ZFHX3: variants seen among roughly 807,000 people sequenced by gnomAD.
ZFHX3 encodes the protein zinc finger homeobox protein 3.
A neutral mutation model predicts 279.1 loss-of-function variants in ZFHX3; 42 were observed. The ratio of observed to expected loss-of-function variants is 0.15; its 90% CI spans 0.12 to 0.19. The LOEUF (loss-of-function observed/expected upper bound fraction) is 0.19. Among genes scored for constraint, ZFHX3 ranks in the 10% least tolerant of loss-of-function variants. The probability of loss-of-function intolerance (pLI) is 1.00; values close to 1 mark genes in which losing one functional copy is unlikely to be tolerated. For missense variants in ZFHX3, 4,981 were observed against 4,754.0 expected, an observed-to-expected ratio of 1.05 and a Z score of -1.40; for synonymous variants, 2,293 against 1,957.8, an observed-to-expected ratio of 1.17 and a Z score of -4.52.
At chr16:73,034,267 G>A (rs892797800) in intron 1 of ZFHX3, among the ~76,000 whole-genome samples, 9 of 151,994 alleles carry the variant, frequency 5.9e-5, no homozygotes, top group South Asian at 2.1e-4. Flanking sequence ...TCCATTCCGC[G>A]GCATCAAGAT....
Position 72,788,635 on chromosome 16 carries a change from G to A in ZFHX3, c.9641C>T (p.Pro3214Leu). Residue 3214 changes from proline to leucine, a missense_variant, in exon 10 of 10, where the codon CCA becomes CTA. Around this residue, in one of 7 missense-constraint regions of ZFHX3, gnomAD observed 1,034 missense variants for 786.0 expected, o/e 1.32. Transcript: ENST00000268489. ...QPQVQQPPPP[P>L]AAQPPPTPQL... The stretch of plus-strand genomic sequence containing the variant: ...TGGTGTGGGTGGCGGCTGGGCTGCT[G>A]GCGGCGGGGGAGGCTGCTGCACCTG... 1 of 1,613,420 alleles carries A rather than the reference G, an allele frequency of 6.2e-7. No individual in the cohort carries two copies. The highest frequency in any genetic ancestry group is 8.5e-7 in the Non-Finnish European group (1 of 1,179,742).
chr16:72,811,351 A>G (rs1275282575), intron 7 of ZFHX3, among the ~76,000 whole-genome samples: 1 of 152,184 alleles, frequency 6.6e-6, no homozygotes, highest in Non-Finnish European at 1.5e-5. Context: ...GAGGGCAGAG[A>G]GGATGATAAG....
intron 3 of ZFHX3, among the ~76,000 whole-genome samples, chr16:72,914,719 C>T (rs113181380): frequency 2.6e-5 from 4 of 152,140 alleles, no homozygotes; most frequent in Admixed American, 2.0e-4. Flanking sequence ...AGGCTGGGTG[C>T]GGTGGCTCAT....
chr16:73,212,745 G>A (rs1431331945), intron 5 of ZFHX3, among the ~76,000 whole-genome samples: 2 of 152,208 alleles, frequency 1.3e-5, no homozygotes, highest in African/African-American at 2.4e-5. Flanking sequence ...TTCTTGCAGA[G>A]TATTGATACG....
intron 1 of ZFHX3, among the ~76,000 whole-genome samples, chr16:73,852,819 A>C (rs1234148485): frequency 6.6e-6 from 1 of 152,234 alleles, no homozygotes; most frequent in Non-Finnish European, 1.5e-5. Context: ...AGACTAAAAA[A>C]GCTGGAACTT....
intron 1 of ZFHX3, among the ~76,000 whole-genome samples, chr16:73,680,870 G>C (rs753593282): frequency 2.6e-5 from 4 of 152,150 alleles, no homozygotes; most frequent in Admixed American, 6.5e-5. Flanking sequence ...TAGATATTGT[G>C]TGGAAACCAT....
chr16:73,358,021 G>T (rs542009681), intron 3 of ZFHX3, among the ~76,000 whole-genome samples: 41 of 152,184 alleles, frequency 2.7e-4, no homozygotes, highest in Non-Finnish European at 5.6e-4. Context: ...AATCAGCCCT[G>T]CTCCTTCCAG....
At chr16:73,273,529 C>T (rs11644823) in intron 4 of ZFHX3, among the ~76,000 whole-genome samples, 4 of 151,694 alleles carry the variant, frequency 2.6e-5, no homozygotes, top group African/African-American at 9.7e-5. Context: ...CATAATCTGT[C>T]CATTTTTTCT....
chr16:73,207,663 A>AT (rs1275350091), intron 5 of ZFHX3, among the ~76,000 whole-genome samples: 1 of 152,196 alleles, frequency 6.6e-6, no homozygotes, highest in Admixed American at 6.5e-5. Context: ...TGGGAAAATA[A>AT]TTTTGACATC....
At chr16:73,503,527 A>G (rs2019274019) in intron 2 of ZFHX3, among the ~76,000 whole-genome samples, 1 of 152,186 alleles carries the variant, frequency 6.6e-6, no homozygotes, top group Non-Finnish European at 1.5e-5. Context: ...GGAGATTGAC[A>G]GCTGCACATC....
chr16:73,734,577 T>C (rs1001667171), intron 1 of ZFHX3, among the ~76,000 whole-genome samples: 2 of 152,174 alleles, frequency 1.3e-5, no homozygotes, highest in Non-Finnish European at 1.5e-5. Flanking sequence ...ATTCCATTTA[T>C]AGAATTATCT....
intron 2 of ZFHX3, among the ~76,000 whole-genome samples, chr16:73,575,540 T>C (rs1470913033): frequency 3.3e-5 from 5 of 152,316 alleles, no homozygotes; most frequent in Non-Finnish European, 5.9e-5. Flanking sequence ...ATGGGACCGA[T>C]AGAAGGGGTC....
At position 72,788,623 on chromosome 16, in the gene ZFHX3, G is replaced by C. The variant is rs753124123; in HGVS notation, c.9653C>G (p.Pro3218Arg). 6.2e-7 allele frequency: 1 copy of C among 1,613,364 alleles called. No homozygotes were observed. The highest frequency in any genetic ancestry group is 1.1e-5 in the South Asian group (1 of 91,036). Residue 3218 changes from proline (P) to arginine (R), a missense_variant, in exon 10 of 10, where the codon CCG becomes CGG. By Grantham distance (103) the Pro-to-Arg change is moderately radical. Around this residue, in one of 7 missense-constraint regions of ZFHX3, gnomAD observed 1,034 missense variants for 786.0 expected, o/e 1.32. Transcript: ENST00000268489. ...QQPPPPPAAQPPPTPQLPLQQ... is the reference protein window; with the variant it reads ...QQPPPPPAAQRPPTPQLPLQQ... ...CAGTGGGAGCTGTGGTGTGGGTGGC[G>C]GCTGGGCTGCTGGCGGCGGGGGAGG...
At chr16:73,297,961 G>C (rs539183434) in intron 4 of ZFHX3, among the ~76,000 whole-genome samples, 20 of 151,862 alleles carry the variant, frequency 1.3e-4, no homozygotes, top group African/African-American at 4.8e-4. Context: ...GAGGGGGGAA[G>C]GTCACTTGAA....
Position 72,851,587 on chromosome 16 carries a change from C to T in ZFHX3, c.3449-21728G>A, listed in dbSNP as rs541724539. Among the ~76,000 whole-genome samples, 11 of 152,052 alleles carry T rather than the reference C, an allele frequency of 7.2e-5. No individual in the cohort carries two copies. The South Asian group carries it at 2.1e-3, about 29-fold the overall frequency. ...TTTTTTTTTTTAAGATGGAGTCTCA[C>T]TCTGTCGCCCAGGCTGGACTGCAGT... On this transcript the variant is annotated intron_variant, in intron 4 of 9. Transcript: ENST00000268489.
chr16:73,495,865 A>T (rs1000745883), intron 2 of ZFHX3, among the ~76,000 whole-genome samples: 5 of 152,334 alleles, frequency 3.3e-5, no homozygotes, highest in African/African-American at 7.2e-5. Flanking sequence ...TTAAAACTGC[A>T]GGTCACATGA....
Position 72,957,974 on chromosome 16 carries a change from C to T in ZFHX3, c.2172G>A (p.Lys724=), listed in dbSNP as rs1448013865. 7.4e-6 allele frequency: 12 copies of T among 1,614,060 alleles called. No individual in the cohort carries two copies. Among genetic ancestry groups the T allele is most frequent in the Non-Finnish European group, 1.0e-5 (12 of 1,180,050 alleles). Residue 724 remains lysine, a synonymous_variant, in exon 2 of 10, where the codon AAG becomes AAA. Coordinates refer to ENST00000268489, the MANE Select transcript of ZFHX3 (RefSeq NM_006885.4). The part of the protein sequence containing the change: ...ARGESYTCGY[K]PFRCEVCNYS... ...AGTTACACACCTCGCAGCGGAAAGG[C>T]TTGTAACCACACGTGTAGCTCTCGC...
intron 2 of ZFHX3, chr16:73,504,979 T>TGTGAGAGAGCCACTGGCAAAG (rs2019300001): frequency 3.9e-5 from 6 of 152,048 alleles, no homozygotes; most frequent in Admixed American, 3.9e-4. Flanking sequence ...TTTTGGGTCA[T>TGTGAGAGAGCCACTGGCAAAG]GTGAGAGAGC....
At chr16:73,644,430 G>T (rs757647371) in intron 2 of ZFHX3, among the ~76,000 whole-genome samples, 1 of 151,904 alleles carries the variant, frequency 6.6e-6, no homozygotes, top group Admixed American at 6.6e-5. Context: ...GAGGCAGAGG[G>T]GGGCAGATTA....
Sources: gnomAD v4.1 joint callset for allele counts (sites outside exome capture counted in the v4.1 genomes callset) on GRCh38, gnomAD v4.1.1 for gene constraint, gnomAD v4.1.1 regional missense constraint, MANE v1.5 for transcripts, NCBI Gene and HGNC (gene_info 2026-07-23, HGNC 2026-07-21) for gene names.